Variants in NELFA observed in about 807,000 individuals in gnomAD.
The protein encoded by NELFA is negative elongation factor complex member A.
Under a neutral mutation model 51.8 loss-of-function variants are expected in NELFA, and 35 were observed. The ratio of observed to expected loss-of-function variants is 0.68; its 90% CI spans 0.52 to 0.90. The LOEUF is 0.90. Ranked by LOEUF, NELFA falls within the 40% of genes least tolerant of loss-of-function variation. The probability of loss-of-function intolerance (pLI) is 0.00; values close to 1 mark genes in which losing one functional copy is unlikely to be tolerated. For synonymous variants in NELFA, 417 were observed against 338.4 expected (o/e 1.23, Z -2.55); for missense variants, 658 against 746.4 (o/e 0.88, Z 1.38).
intron 8 of NELFA, 109 bp downstream of exon 8, chr4:1,984,695 AGGGG>A: frequency 1.4e-6 from 1 of 714,232 alleles, no homozygotes. Flanking sequence ...CTGAGGCAGA[AGGGG>A]GACAACAGAG....
rs758421252 is a variant in NELFA, at chr4:1,986,319, G to A, written c.718C>T (p.Pro240Ser). ...SVFSPTGNRT[P>S]IPPSRTLLRK... Reference sequence around the variant, plus strand: ...AGCAGCGTCCTGGAAGGCGGGATGGGGGTCCGGTTCCCTGTGGGGCTGAAG... The same window carrying A: ...AGCAGCGTCCTGGAAGGCGGGATGGAGGTCCGGTTCCCTGTGGGGCTGAAG... The change falls in exon 5 of 11, where the codon CCC (proline) becomes TCC (serine). Residue 240 changes from proline to serine, a missense_variant. This residue lies in a region of NELFA where 371 missense variants were observed against 448.3 expected (regional missense o/e 0.83). Coordinates refer to ENST00000382882, the MANE Select transcript of NELFA (RefSeq NM_005663.5). 13 of 1,595,352 alleles carry A rather than the reference G, an allele frequency of 8.1e-6. No homozygotes were observed. In the South Asian group the frequency reaches 1.5e-4, roughly 18 times the overall value.
In NELFA at chr4:1,986,412, G is replaced by A. The variant is rs766475819; in HGVS notation, c.635-10C>T. The A allele has an allele frequency of 1.4e-5, 23 of 1,612,542 alleles. No homozygotes were observed. The highest frequency in any genetic ancestry group is 2.2e-5 in the East Asian group (1 of 44,842). On this transcript the variant is annotated splice_polypyrimidine_tract_variant and intron_variant, in intron 4 of 10. Coordinates refer to ENST00000382882, the MANE Select transcript of NELFA (RefSeq NM_005663.5). ...ATGCCTTTGAGTGGGGCTGGAGGACGGCAACAGTCAGGGCGCCAGCAGCAG... is the reference window on the plus strand; with the variant it reads ...ATGCCTTTGAGTGGGGCTGGAGGACAGCAACAGTCAGGGCGCCAGCAGCAG...
chr4:2,008,479 G>T (rs1267358741), intron 1 of NELFA, among the ~76,000 whole-genome samples: 1 of 149,018 alleles, frequency 6.7e-6, no homozygotes, highest in Non-Finnish European at 1.5e-5. Flanking sequence ...GCGAGGAGGG[G>T]CGGGGGGTCC....
intron 1 of NELFA, among the ~76,000 whole-genome samples, chr4:2,004,832 G>A: frequency 7.6e-6 from 1 of 131,984 alleles, no homozygotes; most frequent in African/African-American, 2.9e-5. Context: ...TTTGGAGACA[G>A]AGTCTTGCTG....
At chr4:2,007,864 G>A in intron 1 of NELFA, 1 of 414,944 alleles carries the variant, frequency 2.4e-6, no homozygotes, top group Non-Finnish European at 4.8e-6. Flanking sequence ...AGCCAGGAAC[G>A]TTTAAACAAC....
At chr4:2,007,749 C>G (rs1728746602) in intron 1 of NELFA, among the ~76,000 whole-genome samples, 1 of 152,106 alleles carries the variant, frequency 6.6e-6, no homozygotes, top group Admixed American at 6.6e-5. Flanking sequence ...GAGTGGCTCG[C>G]GATGCTATTA....
rs768542976 is a variant in NELFA, at chr4:1,985,817, TCTC to T, written c.880_882del (p.Glu294del). The T allele has an allele frequency of 1.2e-6, 2 of 1,613,154 alleles. No homozygotes were observed. The highest frequency in any genetic ancestry group is 1.7e-6 in the Non-Finnish European group (2 of 1,179,728). On this transcript the variant is annotated inframe_deletion, in exon 7 of 11. Transcript: ENST00000382882. ...CCGGCTGCGTAGTCCGGGGTGGCGTTCTCCACCACCGTTTCCTCCTTGGCCGGC... is the reference window on the plus strand; with the variant it reads ...CCGGCTGCGTAGTCCGGGGTGGCGTTCACCACCGTTTCCTCCTTGGCCGGC...
rs1372308280 is a variant in NELFA, at chr4:1,988,686, C to T, written c.545-679G>A. Among the ~76,000 whole-genome samples, 4 of 152,234 alleles carry T rather than the reference C, an allele frequency of 2.6e-5. No individual in the cohort carries two copies. In the South Asian group the frequency reaches 6.2e-4, roughly 24 times the overall value. ...TGATGTACATTATAAATATTAATTCCATAACCATTCAAAATAAAACGATGT... is the reference window on the plus strand; with the variant it reads ...TGATGTACATTATAAATATTAATTCTATAACCATTCAAAATAAAACGATGT... On this transcript the variant is annotated intron_variant, in intron 3 of 10. Coordinates refer to ENST00000382882, the MANE Select transcript of NELFA (RefSeq NM_005663.5).
intron 4 of NELFA, among the ~76,000 whole-genome samples, chr4:1,987,284 T>C (rs1183596376): frequency 2.0e-5 from 3 of 152,206 alleles, no homozygotes; most frequent in Admixed American, 6.5e-5. Context: ...ACGACACCCG[T>C]CCTGCCCTCT....
intron 4 of NELFA, 103 bp from the exon 5 acceptor site, chr4:1,986,505 G>A: frequency 1.3e-6 from 2 of 1,558,298 alleles, no homozygotes; most frequent in Non-Finnish European, 8.7e-7. Flanking sequence ...CGCCGCAGAG[G>A]GGAAGGGCCA....
chr4:1,985,809 G>C lies in NELFA; in HGVS notation c.891C>G (p.Thr297=), dbSNP rs377513283. 134 of 1,613,182 alleles carry C rather than the reference G, an allele frequency of 8.3e-5. No individual in the cohort carries two copies. Among genetic ancestry groups the C allele is most frequent in the Non-Finnish European group, 1.0e-4 (122 of 1,179,788 alleles). ...ACACCAGGCCGGCTGCGTAGTCCGG[G>C]GTGGCGTTCTCCACCACCGTTTCCT... ...AKEETVVENA[T]PDYAAGLVST... Residue 297 remains threonine (T), a synonymous_variant, in exon 7 of 11, where the codon ACC becomes ACG. Coordinates refer to ENST00000382882, the MANE Select transcript of NELFA (RefSeq NM_005663.5).
rs369503375 is a variant in NELFA at position 1,983,829 on chromosome 4, C to A, written c.1302+19G>T. On this transcript the variant is annotated intron_variant, in intron 9 of 10. Transcript: ENST00000382882. Reference sequence around the variant, plus strand: ...ACCACCTACCTGGTGGCCTGTGGGCCCTACCAGTGTACACCTACCGTGAGG... The same window carrying A: ...ACCACCTACCTGGTGGCCTGTGGGCACTACCAGTGTACACCTACCGTGAGG... 1 of 1,570,034 alleles carries A rather than the reference C, an allele frequency of 6.4e-7. No homozygotes were observed. The highest frequency in any genetic ancestry group is 1.4e-5 in the African/African-American group (1 of 73,962).
chr4:1,997,156 C>A (rs1433711847), intron 1 of NELFA, among the ~76,000 whole-genome samples: 1 of 152,088 alleles, frequency 6.6e-6, no homozygotes, highest in Non-Finnish European at 1.5e-5. Flanking sequence ...AAAATCAATA[C>A]TGAAAAATCC....
rs760530603 is a variant in NELFA at position 1,987,937 on chromosome 4, C to T, written c.615G>A (p.Leu205=). 3 of 1,609,002 alleles carry T rather than the reference C, an allele frequency of 1.9e-6. No individual in the cohort carries two copies. Among genetic ancestry groups the T allele is most frequent in the Non-Finnish European group, 2.5e-6 (3 of 1,178,830 alleles). Residue 205 remains leucine, a synonymous_variant, in exon 4 of 11, where the codon CTG becomes CTA. Transcript: ENST00000382882. ...CCTTACTGGTGGTGTCCATCTTCCGCAGCAGCCCCCGGCCCTTGGCGTGGA... is the reference window on the plus strand; with the variant it reads ...CCTTACTGGTGGTGTCCATCTTCCGTAGCAGCCCCCGGCCCTTGGCGTGGA... ...VPFHAKGRGL[L]RKMDTTTPLK...
chr4:1,990,609 C>A, intron 2 of NELFA: 1 of 438,488 alleles, frequency 2.3e-6, no homozygotes, highest in South Asian at 1.6e-5. Flanking sequence ...GCCAGCAGGG[C>A]CCCTGCAGGA....
intron 1 of NELFA, among the ~76,000 whole-genome samples, chr4:2,005,171 G>A (rs932650466): frequency 6.6e-6 from 1 of 151,970 alleles, no homozygotes; most frequent in African/African-American, 2.4e-5. Context: ...TCTAAGAAGA[G>A]AATTTCCTTA....
At chr4:1,994,939 A>C (rs1728382396) in intron 1 of NELFA, among the ~76,000 whole-genome samples, 1 of 152,240 alleles carries the variant, frequency 6.6e-6, no homozygotes, top group Non-Finnish European at 1.5e-5. Flanking sequence ...AAGTTGTAGC[A>C]GATGCCATGC....
chr4:2,008,923 G>A lies in NELFA; in HGVS notation c.37C>T (p.Leu13=), dbSNP rs1577635708. The stretch of plus-strand genomic sequence containing the variant: ...TCCGTGGCCCCCAGCTTGTTGTGCA[G>A]CCACAGGCCCGTGTCGCTCTCCCGC... ...SMRESDTGLW[L]HNKLGATDEL... Residue 13 remains leucine, a synonymous_variant, in exon 1 of 11, where the codon CTG becomes TTG. Transcript: ENST00000382882. 6.3e-7 allele frequency: 1 copy of A among 1,575,044 alleles called. No homozygotes were observed. Among genetic ancestry groups the A allele is most frequent in the Non-Finnish European group, 8.6e-7 (1 of 1,160,738 alleles).
intron 7 of NELFA, among the ~76,000 whole-genome samples, chr4:1,985,407 C>A (rs1728055143): frequency 6.6e-6 from 1 of 152,152 alleles, no homozygotes. Context: ...GTCTCCGGGA[C>A]ACTGAGGCCT....
Sources: gnomAD v4.1 joint callset for allele counts (sites outside exome capture counted in the v4.1 genomes callset) on GRCh38, gnomAD v4.1.1 for gene constraint, gnomAD v4.1.1 regional missense constraint, MANE v1.5 for transcripts, NCBI Gene and HGNC (gene_info 2026-07-23, HGNC 2026-07-21) for gene names.